RBMS2: variants seen among roughly 807,000 people sequenced by gnomAD.
RBMS2 encodes the protein RNA binding motif single stranded interacting protein 2.
RBMS2 carries 38 observed loss-of-function variants against 58.4 expected under a neutral mutation model. The observed-to-expected ratio is 0.65, with a 90% CI of 0.50 to 0.85. RBMS2 has a LOEUF of 0.85. Ranked by LOEUF, RBMS2 falls within the 40% of genes least tolerant of loss-of-function variation. The pLI is 0.00. For synonymous variants in RBMS2, 151 were observed against 180.7 expected, an observed-to-expected ratio of 0.84 and a Z score of 1.32; for missense variants, 367 against 503.7, an observed-to-expected ratio of 0.73 and a Z score of 2.60.
At chr12:56,562,283 AT>A in intron 1 of RBMS2, 133 bp from the exon 2 acceptor site, 1 of 786,330 alleles carries the variant, frequency 1.3e-6, no homozygotes. Context: ...GGAACAAACT[AT>A]GTGTGTCCAA....
intron 5 of RBMS2, among the ~76,000 whole-genome samples, chr12:56,579,633 C>CAA (rs1166982566): frequency 2.7e-4 from 26 of 96,474 alleles, no homozygotes; most frequent in East Asian, 6.5e-4. Context: ...GACTCAGTCT[C>CAA]AAAAAAAAAA....
rs1879783122 is a variant in RBMS2, at chr12:56,558,647, G to C, written c.67-3770G>C. 2.2e-5 allele frequency among the ~76,000 whole-genome samples: 3 copies of C among 135,638 alleles called. No individual in the cohort carries two copies. In the South Asian group the frequency reaches 7.3e-4, roughly 33 times the overall value. 89.0% of individuals were successfully genotyped at this position (135,638 alleles called of 152,430 possible). ...TTTGTCACCCAGGCTGGAGTGCAGTGGCACGATCTTGCTTACTGCAACATT... is the reference window on the plus strand; with the variant it reads ...TTTGTCACCCAGGCTGGAGTGCAGTCGCACGATCTTGCTTACTGCAACATT... On this transcript the variant is annotated intron_variant, in intron 1 of 13. Coordinates refer to ENST00000262031, the MANE Select transcript of RBMS2 (RefSeq NM_002898.4).
At chr12:56,563,183 T>C (rs1338208237) in intron 2 of RBMS2, among the ~76,000 whole-genome samples, 5 of 152,198 alleles carry the variant, frequency 3.3e-5, no homozygotes, top group African/African-American at 1.2e-4. Context: ...AGCCTTTATG[T>C]GTTTCTCTAA....
At chr12:56,536,561 C>CT (rs1217193041) in intron 1 of RBMS2, among the ~76,000 whole-genome samples, 114 of 146,392 alleles carry the variant, frequency 7.8e-4, no homozygotes, top group East Asian at 2.0e-3. Flanking sequence ...CTCCTTCTTT[C>CT]TTTTTTTTTT....
intron 4 of RBMS2, among the ~76,000 whole-genome samples, chr12:56,571,322 A>T (rs1882255258): frequency 6.6e-6 from 1 of 152,140 alleles, no homozygotes; most frequent in African/African-American, 2.4e-5. Flanking sequence ...CGTGGCTGGA[A>T]GAGAAGTGGG....
intron 9 of RBMS2, among the ~76,000 whole-genome samples, 200 bp downstream of exon 9, chr12:56,582,352 C>T (rs936285431): frequency 2.0e-5 from 3 of 152,144 alleles, no homozygotes; most frequent in African/African-American, 7.2e-5. Context: ...CTCTTACTCC[C>T]CCTCCACCAC....
At chr12:56,573,411 A>C (rs1284453024) in intron 5 of RBMS2, among the ~76,000 whole-genome samples, 1 of 129,982 alleles carries the variant, frequency 7.7e-6, no homozygotes, top group East Asian at 2.7e-4. Context: ...CGGGAGGCGG[A>C]GGTTGCAGTA....
Position 56,582,097 on chromosome 12 carries a change from T to G in RBMS2, c.818T>G (p.Met273Arg). 3.1e-6 allele frequency: 5 copies of G among 1,613,318 alleles called. No individual in the cohort carries two copies. Among genetic ancestry groups the G allele is most frequent in the Non-Finnish European group, 4.2e-6 (5 of 1,179,366 alleles). The change falls in exon 9 of 14, where the codon ATG becomes AGG. Residue 273 changes from methionine (M) to arginine (R), a missense_variant. Physicochemically the swap from Met to Arg is moderately conservative, Grantham distance 91. Around this residue, in one of 3 missense-constraint regions of RBMS2, gnomAD observed 220 missense variants for 261.1 expected, o/e 0.84. Coordinates refer to ENST00000262031, the MANE Select transcript of RBMS2 (RefSeq NM_002898.4). ...CCCTATAACATCACCCCCAACAGGATGCTTGCTCAGTCTGCACTCTCCCCA... is the reference window on the plus strand; with the variant it reads ...CCCTATAACATCACCCCCAACAGGAGGCTTGCTCAGTCTGCACTCTCCCCA... ...PAPYNITPNR[M>R]LAQSALSPYL...
chr12:56,524,383 A>C (rs549722177), intron 1 of RBMS2, among the ~76,000 whole-genome samples: 1 of 151,522 alleles, frequency 6.6e-6, no homozygotes, highest in Non-Finnish European at 1.5e-5. Context: ...TGCCTATATA[A>C]GTTTGTGAAC....
Position 56,589,178 on chromosome 12 carries a change from T to C in RBMS2, c.*45T>C, listed in dbSNP as rs758738614. 12 of 1,535,044 alleles carry C rather than the reference T, an allele frequency of 7.8e-6. No individual in the cohort carries two copies. The African/African-American group carries it at 1.6e-4, about 21-fold the overall frequency. The stretch of plus-strand genomic sequence containing the variant: ...ATCTTTACTGAATAGAAATGAATTC[T>C]TGGAGATACTCATGCTCCCAGATTC... On this transcript the variant is annotated 3_prime_UTR_variant, in exon 14 of 14. Transcript: ENST00000262031.
At position 56,571,906 on chromosome 12, in the gene RBMS2, T is replaced by TG. The variant is rs750049673; in HGVS notation, c.542+56dup. On this transcript the variant is annotated intron_variant, in intron 5 of 13. Coordinates refer to ENST00000262031, the MANE Select transcript of RBMS2 (RefSeq NM_002898.4). Reference sequence around the variant, plus strand: ...GATGAGGTTAATAACAAATGTCACTTGGGGGTCACCAGAAAACAAAATCTA... The same window carrying TG: ...GATGAGGTTAATAACAAATGTCACTTGGGGGGTCACCAGAAAACAAAATCTA... 2.2e-5 allele frequency: 31 copies of TG among 1,397,176 alleles called. No homozygotes were observed. In the Admixed American group the frequency reaches 2.8e-4, roughly 13 times the overall value. 86.5% of individuals were successfully genotyped at this position (1,397,176 alleles called of 1,614,324 possible).
chr12:56,521,588 G>C (rs11171882), upstream of RBMS2, among the ~76,000 whole-genome samples: 9 of 141,000 alleles, frequency 6.4e-5, no homozygotes, highest in African/African-American at 2.4e-4. Flanking sequence ...TTATAGCTGA[G>C]ATCTAAGGGT....
chr12:56,546,426 A>AATGTATAATATAAT (rs1267102250), intron 1 of RBMS2, among the ~76,000 whole-genome samples: 1 of 145,958 alleles, frequency 6.9e-6, no homozygotes, highest in Non-Finnish European at 1.5e-5. Context: ...TGTAAAATAT[A>AATGTATAATATAAT]ATGTATAATA....
chr12:56,583,308 G>C (rs961294985), intron 9 of RBMS2, among the ~76,000 whole-genome samples: 1 of 152,174 alleles, frequency 6.6e-6, no homozygotes, highest in African/African-American at 2.4e-5. Context: ...TACCAGCCAT[G>C]TATGAAAGTA....
chr12:56,549,123 C>T (rs1319435768), intron 1 of RBMS2, among the ~76,000 whole-genome samples: 1 of 152,036 alleles, frequency 6.6e-6, no homozygotes, highest in Non-Finnish European at 1.5e-5. Context: ...CTCAGCCTCC[C>T]GAGTAGCTGG....
chr12:56,565,512 T>C (rs971642293), intron 2 of RBMS2, among the ~76,000 whole-genome samples: 10 of 152,182 alleles, frequency 6.6e-5, no homozygotes, highest in African/African-American at 2.2e-4. Flanking sequence ...AATTGCCTTA[T>C]CTTTTGCTGT....
At chr12:56,532,319 G>C (rs1168726106) in intron 1 of RBMS2, among the ~76,000 whole-genome samples, 2 of 152,112 alleles carry the variant, frequency 1.3e-5, no homozygotes, top group Non-Finnish European at 2.9e-5. Context: ...GAGGCAGGCA[G>C]ATCACCGGAG....
intron 5 of RBMS2, among the ~76,000 whole-genome samples, chr12:56,574,753 A>C (rs1265026510): frequency 6.6e-6 from 1 of 152,248 alleles, no homozygotes; most frequent in Non-Finnish European, 1.5e-5. Context: ...AGCAAATTAT[A>C]AATATTGGCA....
At chr12:56,581,565 G>T in intron 7 of RBMS2, 57 bp downstream of exon 7, 1 of 1,508,414 alleles carries the variant, frequency 6.6e-7, no homozygotes, top group Non-Finnish European at 9.2e-7. Context: ...GAACGGAAAT[G>T]ATCATGGCAT....
Sources: allele counts gnomAD v4.1 joint callset (sites outside exome capture counted in the v4.1 genomes callset), GRCh38; gene constraint gnomAD v4.1.1; regional missense constraint gnomAD v4.1.1; transcripts MANE v1.5; gene names NCBI Gene and HGNC (gene_info 2026-07-23, HGNC 2026-07-21).